XKR9: variants seen among roughly 807,000 people sequenced by gnomAD.
The protein encoded by XKR9 is XK related 9.
XKR9 carries 32 observed loss-of-function variants against 32.0 expected under a neutral mutation model. That is an observed-to-expected ratio of 1.00 (90% CI 0.76 to 1.34). The LOEUF is 1.34. Among genes scored for constraint, XKR9 ranks in the 40% most tolerant of loss-of-function variants. XKR9 has a pLI of 0.00. For synonymous variants in XKR9, 168 were observed against 143.4 expected, an observed-to-expected ratio of 1.17 and a Z score of -1.22; for missense variants, 546 against 429.7, an observed-to-expected ratio of 1.27 and a Z score of -2.39.
At chr8:70,784,442 T>A (rs886917174) in intron 2 of XKR9, among the ~76,000 whole-genome samples, 3 of 152,068 alleles carry the variant, frequency 2.0e-5, no homozygotes, top group African/African-American at 7.2e-5. Flanking sequence ...AATTTATTCC[T>A]TTTTTTGTAC....
intron 4 of XKR9, among the ~76,000 whole-genome samples, chr8:70,722,730 T>A (rs1050245407): frequency 4.6e-5 from 7 of 152,274 alleles, no homozygotes; most frequent in Admixed American, 3.9e-4. Context: ...CCCTTAACAT[T>A]TTTTCCTTCA....
At chr8:70,806,743 G>A in the XKR9 span, among the ~76,000 whole-genome samples, 3 of 152,050 alleles carry the variant, frequency 2.0e-5, no homozygotes, top group African/African-American at 7.2e-5. Context: ...AATGAAAAAA[G>A]ACTCCAAGAA....
chr8:71,018,664 G>A, the XKR9 span, among the ~76,000 whole-genome samples: 1 of 152,158 alleles, frequency 6.6e-6, no homozygotes, highest in East Asian at 1.9e-4. Context: ...TGAAGAATGA[G>A]CAGAGCTGTA....
At chr8:70,718,173 A>C (rs748383416) in intron 4 of XKR9, among the ~76,000 whole-genome samples, 1 of 152,170 alleles carries the variant, frequency 6.6e-6, no homozygotes, top group African/African-American at 2.4e-5. Context: ...AAACTATCCC[A>C]CATTTTCCTA....
chr8:70,994,178 A>G, the XKR9 span, among the ~76,000 whole-genome samples: 3 of 152,102 alleles, frequency 2.0e-5, no homozygotes, highest in African/African-American at 7.2e-5. Context: ...AAGATTAATT[A>G]ACCTTCACTT....
intron 2 of XKR9, among the ~76,000 whole-genome samples, chr8:70,758,780 G>A (rs757311278): frequency 5.3e-5 from 8 of 152,192 alleles, no homozygotes; most frequent in Non-Finnish European, 1.2e-4. Context: ...TTGTCACTCA[G>A]TGTTTATATT....
the XKR9 span, among the ~76,000 whole-genome samples, chr8:70,967,751 T>C: frequency 1.3e-5 from 2 of 152,168 alleles, no homozygotes; most frequent in African/African-American, 4.8e-5. Context: ...TTAAGAATGT[T>C]GAATATTGGC....
the XKR9 span, among the ~76,000 whole-genome samples, chr8:70,897,185 T>G: frequency 6.6e-6 from 1 of 152,210 alleles, no homozygotes; most frequent in South Asian, 2.1e-4. Context: ...TGACTCCCAC[T>G]TCCATCCATG....
At chr8:70,926,970 GT>G in the XKR9 span, among the ~76,000 whole-genome samples, 1 of 151,642 alleles carries the variant, frequency 6.6e-6, no homozygotes. Context: ...TAGAGTTATA[GT>G]TTTGTTTCAC....
chr8:70,957,373 T>TA, the XKR9 span, among the ~76,000 whole-genome samples: 1 of 152,208 alleles, frequency 6.6e-6, no homozygotes, highest in South Asian at 2.1e-4. Flanking sequence ...ATCTTTTTTT[T>TA]AATTTCCAAC....
At chr8:71,001,198 G>C in the XKR9 span, among the ~76,000 whole-genome samples, 3 of 152,316 alleles carry the variant, frequency 2.0e-5, no homozygotes, top group South Asian at 6.2e-4. Flanking sequence ...GGTGCAGCCA[G>C]TGGAAAGAGA....
chr8:70,705,731 C>T (rs1485151260), intron 3 of XKR9, among the ~76,000 whole-genome samples: 1 of 152,028 alleles, frequency 6.6e-6, no homozygotes. Context: ...ATTTTCTACC[C>T]CAATGAGTAG....
At chr8:70,705,238 C>A (rs1805679867) in intron 3 of XKR9, among the ~76,000 whole-genome samples, 1 of 152,070 alleles carries the variant, frequency 6.6e-6, no homozygotes, top group Non-Finnish European at 1.5e-5. Flanking sequence ...CTATTATGTG[C>A]CGATTCTTAG....
intron 2 of XKR9, among the ~76,000 whole-genome samples, chr8:70,749,917 C>G (rs944213202): frequency 1.3e-5 from 2 of 152,118 alleles, no homozygotes; most frequent in Admixed American, 6.5e-5. Flanking sequence ...AAAATATAAT[C>G]TACTGAGACT....
the XKR9 span, among the ~76,000 whole-genome samples, chr8:70,900,328 G>A: frequency 3.3e-5 from 5 of 152,076 alleles, no homozygotes; most frequent in Non-Finnish European, 5.9e-5. Flanking sequence ...CAGTGCTCGC[G>A]CTTGTAATCC....
At chr8:70,751,077 A>T (rs1807133190) in intron 2 of XKR9, among the ~76,000 whole-genome samples, 1 of 152,164 alleles carries the variant, frequency 6.6e-6, no homozygotes, top group Admixed American at 6.5e-5. Flanking sequence ...TGCTATGTAT[A>T]GCTTGCTGGC....
At chr8:70,707,342 A>C (rs1368159538) in intron 4 of XKR9, among the ~76,000 whole-genome samples, 189 bp downstream of exon 4, 1 of 152,088 alleles carries the variant, frequency 6.6e-6, no homozygotes, top group African/African-American at 2.4e-5. Flanking sequence ...ATCTGCCCAG[A>C]AAGAAAACTG....
chr8:70,720,249 G>T (rs111831928), intron 4 of XKR9, among the ~76,000 whole-genome samples: 21 of 152,274 alleles, frequency 1.4e-4, no homozygotes, highest in African/African-American at 5.1e-4. Flanking sequence ...TGCAAACAGA[G>T]ACAATTTGAC....
chr8:70,767,839 T>A (rs1807399676), intron 2 of XKR9, among the ~76,000 whole-genome samples: 1 of 152,028 alleles, frequency 6.6e-6, no homozygotes, highest in Non-Finnish European at 1.5e-5. Context: ...GTCAGGCTAG[T>A]GGCCTATCTA....
Sources: allele counts gnomAD v4.1 joint callset (sites outside exome capture counted in the v4.1 genomes callset), GRCh38; gene constraint gnomAD v4.1.1; transcripts MANE v1.5; gene names NCBI Gene and HGNC (gene_info 2026-07-23, HGNC 2026-07-21).